The following FAM186B variants were observed in gnomAD, a reference collection of about 807,000 sequenced individuals.
FAM186B encodes protein FAM186B.
Under a neutral mutation model 83.4 loss-of-function variants are expected in FAM186B, and 68 were observed. The ratio of observed to expected loss-of-function variants is 0.81; its 90% confidence interval spans 0.67 to 1.00. The LOEUF (loss-of-function observed/expected upper bound fraction) is 1.00, where lower values mean the gene tolerates loss of function less well. Among genes scored for constraint, FAM186B ranks in the 50% least tolerant of loss-of-function variants. The pLI is 0.00. For missense variants in FAM186B, 983 were observed against 1,099.2 expected, an observed-to-expected ratio of 0.89 and a Z score of 1.49; for synonymous variants, 389 against 422.0, an observed-to-expected ratio of 0.92 and a Z score of 0.96.
chr12:49,610,402 C>T (rs1940072131), upstream of FAM186B, among the ~76,000 whole-genome samples: 1 of 152,178 alleles, frequency 6.6e-6, no homozygotes, highest in Non-Finnish European at 1.5e-5. Context: ...AGATCCAAGA[C>T]AAGGTTGAAC....
upstream of FAM186B, chr12:49,605,758 CTTT>C (rs1222575062): frequency 2.6e-3 from 387 of 150,726 alleles, no homozygotes; most frequent in South Asian, 8.8e-3. Context: ...GTTGCCTTTT[CTTT>C]TTTTTTTTTT....
downstream of FAM186B, among the ~76,000 whole-genome samples, chr12:49,587,001 G>A (rs1435232354): frequency 6.6e-6 from 1 of 152,198 alleles, no homozygotes; most frequent in Non-Finnish European, 1.5e-5. Flanking sequence ...GGTCACAGGA[G>A]GCAGATGGGA....
the FAM186B span, among the ~76,000 whole-genome samples, chr12:49,612,670 C>T: frequency 6.6e-6 from 1 of 152,010 alleles, no homozygotes; most frequent in Non-Finnish European, 1.5e-5. Context: ...TTCAATTCAA[C>T]AAGAAGACTT....
intron 2 of FAM186B, among the ~76,000 whole-genome samples, chr12:49,604,008 T>C (rs1939954873): frequency 6.6e-6 from 1 of 152,188 alleles, no homozygotes; most frequent in Non-Finnish European, 1.5e-5. Context: ...ATTCAGTGCT[T>C]TGAATATCAC....
chr12:49,597,908 A>G (rs1157775515), intron 5 of FAM186B, among the ~76,000 whole-genome samples: 1 of 152,100 alleles, frequency 6.6e-6, no homozygotes, highest in Non-Finnish European at 1.5e-5. Context: ...AAAAATGCAA[A>G]AATTATCCAG....
rs1357751242 is a variant in FAM186B, at chr12:49,595,243, G to C, written c.2364+3512C>G. Reference sequence around the variant, plus strand: ...CACCATTGCAGGTCTGGCTGGAAAAGACCCAGTACAGTGTAGCCTTGATGT... The same window carrying C: ...CACCATTGCAGGTCTGGCTGGAAAACACCCAGTACAGTGTAGCCTTGATGT... On this transcript the variant is annotated intron_variant, in intron 5 of 6. Coordinates refer to ENST00000257894, the MANE Select transcript of FAM186B (RefSeq NM_032130.3). 3 of 681,466 alleles carry C rather than the reference G, an allele frequency of 4.4e-6. No individual in the cohort carries two copies. In the East Asian group the frequency reaches 1.3e-4, roughly 29 times the overall value. 42.2% of individuals were successfully genotyped at this position (681,466 alleles called of 1,614,324 possible).
In FAM186B at chr12:49,599,826, A is replaced by G; in HGVS notation, c.1814T>C (p.Leu605Pro). The G allele has an allele frequency of 6.2e-7, 1 of 1,611,486 alleles. No homozygotes were observed. The highest frequency in any genetic ancestry group is 8.5e-7 in the Non-Finnish European group (1 of 1,178,626). Reference protein sequence around the residue: ...PMSPSTQQPALGKQRPMSSVE... With the variant: ...PMSPSTQQPAPGKQRPMSSVE... ...TGAACTCATAGGTCTCTGCTTTCCC[A>G]GGGCAGGCTGCTGGGTACTAGGAGA... The change falls in exon 4 of 7, where the codon CTG becomes CCG. Residue 605 changes from leucine to proline, a missense_variant. Physicochemically the swap from Leu to Pro is moderately conservative, Grantham distance 98 (BLOSUM62 -3). Coordinates refer to ENST00000257894, the MANE Select transcript of FAM186B (RefSeq NM_032130.3).
rs769104539 is a variant in FAM186B at position 49,603,193 on chromosome 12, CT to C, written c.496del (p.Arg166GlyfsTer28). 1.2e-6 allele frequency: 2 copies of C among 1,614,214 alleles called. No homozygotes were observed. Among genetic ancestry groups the C allele is most frequent in the East Asian group, 2.2e-5 (1 of 44,886 alleles). On this transcript the variant is annotated frameshift_variant, in exon 3 of 7. Transcript: ENST00000257894. LOFTEE classifies it high-confidence loss of function. ...GTGCTCCTAGAACCTACCTTGTGACCTTTTCTTTTGTCCTTCAATGAGAGTG... is the reference window on the plus strand; with the variant it reads ...GTGCTCCTAGAACCTACCTTGTGACCTTTCTTTTGTCCTTCAATGAGAGTG... ...CSTLIEGQKK[R>X]SQVSKRTFWQ...
chr12:49,599,436 G>C, intron 4 of FAM186B, 33 bp downstream of exon 4: 3 of 1,510,002 alleles, frequency 2.0e-6, no homozygotes, highest in Non-Finnish European at 2.7e-6. Context: ...ATTGCAGCAG[G>C]TGGGTGCCAG....
intron 2 of FAM186B, 23 bp downstream of exon 2, chr12:49,604,290 C>T (rs186737014): frequency 6.3e-5 from 100 of 1,596,630 alleles, no homozygotes; most frequent in Admixed American, 3.3e-4. Context: ...AGAGGAGGCA[C>T]GGTGCCCAGC....
At chr12:49,616,036 T>G in the FAM186B span, among the ~76,000 whole-genome samples, 4 of 151,652 alleles carry the variant, frequency 2.6e-5, no homozygotes, top group African/African-American at 4.8e-5. Context: ...TTTGGCAGTT[T>G]TTTTTTTTTT....
chr12:49,601,698 C>T (rs541450107), intron 3 of FAM186B, among the ~76,000 whole-genome samples: 114 of 151,840 alleles, frequency 7.5e-4, no homozygotes, highest in African/African-American at 2.7e-3. Context: ...AGCAGACCCT[C>T]TCTCCCCAGG....
At chr12:49,595,784 C>A in intron 5 of FAM186B, 1 of 225,706 alleles carries the variant, frequency 4.4e-6, no homozygotes, top group South Asian at 5.7e-5. Flanking sequence ...GAGATGGAGA[C>A]CATCCTGGCT....
chr12:49,601,079 T>A lies in FAM186B; in HGVS notation c.561A>T (p.Pro187=). ...CTGGGCTTAGTGGCTGAGGATGGGATGGAGATGTCTGTGGGCTTCTTCCCT... is the reference window on the plus strand; with the variant it reads ...CTGGGCTTAGTGGCTGAGGATGGGAAGGAGATGTCTGTGGGCTTCTTCCCT... ...GWQGRSPQTS[P]SHPQPLSPEQ... is the part of the protein sequence containing the mutation. The change falls in exon 4 of 7, where the codon CCA becomes CCT. Residue 187 remains proline, a synonymous_variant. Coordinates refer to ENST00000257894, the MANE Select transcript of FAM186B (RefSeq NM_032130.3). The A allele has an allele frequency of 6.2e-7, 1 of 1,602,792 alleles. No individual in the cohort carries two copies. Among genetic ancestry groups the A allele is most frequent in the Non-Finnish European group, 8.5e-7 (1 of 1,172,610 alleles).
intron 4 of FAM186B, 118 bp from the exon 5 acceptor site, chr12:49,599,065 CT>C: frequency 9.6e-7 from 1 of 1,040,188 alleles, no homozygotes; most frequent in Non-Finnish European, 1.4e-6. Context: ...GAAATGGAGG[CT>C]GGTGAGAGCT....
At chr12:49,598,326 G>A (rs776759904) in intron 5 of FAM186B, among the ~76,000 whole-genome samples, 3 of 152,154 alleles carry the variant, frequency 2.0e-5, no homozygotes, top group Admixed American at 2.0e-4. Flanking sequence ...AGCAAAGCAA[G>A]TCCCTGTGAG....
Position 49,600,555 on chromosome 12 carries a change from A to G in FAM186B, c.1085T>C (p.Met362Thr). The G allele has an allele frequency of 6.2e-7, 1 of 1,613,680 alleles. No individual in the cohort carries two copies. The highest frequency in any genetic ancestry group is 8.5e-7 in the Non-Finnish European group (1 of 1,179,860). Residue 362 changes from methionine to threonine, a missense_variant, in exon 4 of 7, where the codon ATG becomes ACG. Coordinates refer to ENST00000257894, the MANE Select transcript of FAM186B (RefSeq NM_032130.3). The surrounding 1 kb of genome is among the most constrained non-coding windows in gnomAD (Gnocchi z 4.3). Reference protein sequence around the residue: ...TVMEESQQEPMKEEQLFSPLP... With the variant: ...TVMEESQQEPTKEEQLFSPLP... ...TGGCGAGAACAACTGCTCCTCCTTC[A>G]TCGGTTCCTGTTGGCTTTCCTCCAT...
At chr12:49,603,059 C>A in intron 3 of FAM186B, 126 bp downstream of exon 3, 2 of 1,002,068 alleles carry the variant, frequency 2.0e-6, no homozygotes, top group African/African-American at 1.6e-5. Context: ...ACTGCCCATC[C>A]ATCTCAAATC....
the FAM186B span, among the ~76,000 whole-genome samples, chr12:49,622,045 TA>T: frequency 6.6e-6 from 1 of 152,218 alleles, no homozygotes; most frequent in Non-Finnish European, 1.5e-5. Flanking sequence ...ATTTAAAAAA[TA>T]AAAATGCAAT....
Sources: gnomAD v4.1 joint callset for allele counts (sites outside exome capture counted in the v4.1 genomes callset) on GRCh38, gnomAD v4.1.1 for gene constraint, Gnocchi (gnomAD v3.1) non-coding constraint, MANE v1.5 for transcripts, NCBI Gene and HGNC (gene_info 2026-07-23, HGNC 2026-07-21) for gene names.